Variants in FLRT1 observed in about 807,000 individuals in gnomAD.
The protein encoded by FLRT1 is fibronectin leucine rich transmembrane protein 1.
A neutral mutation model predicts 30.9 loss-of-function variants in FLRT1; 14 were observed. The observed-to-expected ratio is 0.45, with a 90% confidence interval of 0.30 to 0.71. The LOEUF (loss-of-function observed/expected upper bound fraction) is 0.71, where lower values mean the gene tolerates loss of function less well. FLRT1 is among the 30% of genes least tolerant of loss of function. The pLI is 0.08. For synonymous variants in FLRT1, 368 were observed against 430.4 expected (o/e 0.85, Z 1.80); for missense variants, 737 against 949.2 (o/e 0.78, Z 2.94).
intron 1 of FLRT1, among the ~76,000 whole-genome samples, chr11:64,051,922 C>T (rs899116228): frequency 6.6e-6 from 1 of 151,894 alleles, no homozygotes; most frequent in African/African-American, 2.4e-5. Flanking sequence ...GAGGTAGAGA[C>T]TGGATACTCC....
rs966098956 is a variant in FLRT1 at position 64,096,708 on chromosome 11, C to T, written c.-1037-6486C>T. ...CTGGGATTACAGGCATGAGCCACCG[C>T]ACCCTACCCTCTCCCCCTTTTGTGC... On this transcript the variant is annotated intron_variant, in intron 1 of 2. Transcript: ENST00000682287. The surrounding 1 kb of genome is among the most constrained non-coding windows in gnomAD (Gnocchi z 4.6). Among the ~76,000 whole-genome samples the T allele has an allele frequency of 1.6e-4, 24 of 152,212 alleles. No homozygotes were observed. Among genetic ancestry groups the T allele is most frequent in the African/African-American group, 5.3e-4 (22 of 41,458 alleles).
intron 1 of FLRT1, among the ~76,000 whole-genome samples, chr11:64,085,355 C>G (rs1030875122): frequency 6.6e-6 from 1 of 152,214 alleles, no homozygotes. Flanking sequence ...CACCCCAAAT[C>G]GAATTCGTGC....
intron 1 of FLRT1, among the ~76,000 whole-genome samples, chr11:64,055,941 G>A (rs374190945): frequency 2.0e-5 from 3 of 152,300 alleles, no homozygotes; most frequent in Admixed American, 1.3e-4. Context: ...GCCTGCAGCC[G>A]ACAGCCGTAT....
chr11:64,070,308 C>T (rs1352392050), intron 1 of FLRT1, among the ~76,000 whole-genome samples: 1 of 152,130 alleles, frequency 6.6e-6, no homozygotes, highest in Non-Finnish European at 1.5e-5. Flanking sequence ...TCGGAGCCTC[C>T]TCATGTTCCC....
rs1433022590 is a variant in FLRT1, at chr11:64,067,797, G to A, written c.-1038+31638G>A. Among the ~76,000 whole-genome samples the A allele has an allele frequency of 6.6e-6, 1 of 152,150 alleles. No homozygotes were observed. ...AGCTGTTTGTTTTCCCTGACTGAGG[G>A]GCGGCTGTGCCACCCCCACACTCCT... On this transcript the variant is annotated intron_variant, in intron 1 of 2. Transcript: ENST00000682287. This position sits in a 1 kb window ranked among gnomAD's most constrained non-coding sequence, Gnocchi z 4.6.
At chr11:64,093,178 C>T (rs1322068344) in intron 1 of FLRT1, among the ~76,000 whole-genome samples, 6 of 152,174 alleles carry the variant, frequency 3.9e-5, no homozygotes, top group Non-Finnish European at 5.9e-5. Flanking sequence ...AGTGAGGCGA[C>T]GTGTGAATAG....
chr11:64,038,451 A>G (rs1043810669), intron 1 of FLRT1, among the ~76,000 whole-genome samples: 5 of 152,186 alleles, frequency 3.3e-5, no homozygotes, highest in Admixed American at 2.0e-4. Context: ...TGAGAGGACT[A>G]GGGCTCCAGG....
intron 1 of FLRT1, among the ~76,000 whole-genome samples, chr11:64,062,652 C>T (rs1943926814): frequency 6.6e-6 from 1 of 152,228 alleles, no homozygotes; most frequent in Admixed American, 6.5e-5. Context: ...CCTCAGTCTC[C>T]AGCTCTGCAG....
At chr11:64,057,142 C>CGGGTG (rs1943801337) in intron 1 of FLRT1, among the ~76,000 whole-genome samples, 1 of 152,226 alleles carries the variant, frequency 6.6e-6, no homozygotes, top group Non-Finnish European at 1.5e-5. Flanking sequence ...TTGCTGGACC[C>CGGGTG]GGGTGCCCCT....
At chr11:64,110,386 G>T (rs1204729360) in intron 2 of FLRT1, among the ~76,000 whole-genome samples, 1 of 151,812 alleles carries the variant, frequency 6.6e-6, no homozygotes, top group African/African-American at 2.4e-5. Flanking sequence ...GGAGGTCGAG[G>T]CTGCAGTGAG....
At chr11:64,103,027 T>C (rs2622411) in intron 1 of FLRT1, among the ~76,000 whole-genome samples, 167 bp from the exon 2 acceptor site, 146,271 of 151,568 alleles carry the variant, frequency 0.97, 70,799 homozygotes, top group Middle Eastern at 1. Flanking sequence ...GCCGAGATTG[T>C]GCCACTGCAC....
chr11:64,094,721 C>T (rs953793064), intron 1 of FLRT1, among the ~76,000 whole-genome samples: 1 of 152,184 alleles, frequency 6.6e-6, no homozygotes, highest in African/African-American at 2.4e-5. Context: ...CCACAGAGGC[C>T]AGAGGCCTCT....
intron 1 of FLRT1, among the ~76,000 whole-genome samples, chr11:64,061,004 C>T (rs1943892134): frequency 6.6e-6 from 1 of 152,038 alleles, no homozygotes; most frequent in Admixed American, 6.5e-5. Flanking sequence ...CGACCTTCCC[C>T]GACCCAGGCA....
Position 64,118,072 on chromosome 11 carries a change from A to G in FLRT1, c.1805A>G (p.Glu602Gly), listed in dbSNP as rs1357467495. The G allele has an allele frequency of 6.2e-7, 1 of 1,612,628 alleles. No homozygotes were observed. The highest frequency in any genetic ancestry group is 8.5e-7 in the Non-Finnish European group (1 of 1,179,108). Residue 602 changes from glutamate (E) to glycine (G), a missense_variant, in exon 3 of 3, where the codon GAG becomes GGG. By Grantham distance (98) the Glu-to-Gly change is moderately conservative. Coordinates refer to ENST00000682287, the MANE Select transcript of FLRT1 (RefSeq NM_013280.5). ...RGSRKKDDYM[E>G]SGTKKDNSIL... ...AGCAGGAAAAAGGATGACTATATGG[A>G]GTCAGGGACCAAGAAGGATAACTCC...
chr11:64,046,889 C>T (rs114589845), intron 1 of FLRT1, among the ~76,000 whole-genome samples: 2,804 of 152,282 alleles, frequency 0.018, 102 homozygotes, highest in African/African-American at 0.064. Context: ...CAGATACTGC[C>T]GGACATTTTA....
chr11:64,078,974 C>T (rs1021663289), intron 1 of FLRT1, among the ~76,000 whole-genome samples: 1 of 152,164 alleles, frequency 6.6e-6, no homozygotes, highest in African/African-American at 2.4e-5. Flanking sequence ...GGTCTGTAGA[C>T]TCCGACAAGG....
At chr11:64,056,181 G>A (rs1050580851) in intron 1 of FLRT1, among the ~76,000 whole-genome samples, 1 of 152,138 alleles carries the variant, frequency 6.6e-6, no homozygotes, top group Non-Finnish European at 1.5e-5. Flanking sequence ...GGCTGTGCAG[G>A]CAAAAATGCC....
chr11:64,117,262 G>A lies in FLRT1; in HGVS notation c.995G>A (p.Cys332Tyr). The A allele has an allele frequency of 6.2e-7, 1 of 1,614,204 alleles. No homozygotes were observed. The highest frequency in any genetic ancestry group is 8.5e-7 in the Non-Finnish European group (1 of 1,180,028). The stretch of plus-strand genomic sequence containing the variant: ...CTGCTCAGGAACAACCCTTGGTTTT[G>A]TGGCTGCAACCTCATGTGGCTGCGG... ...QLLLRNNPWFCGCNLMWLRDW... is the reference protein window; with the variant it reads ...QLLLRNNPWFYGCNLMWLRDW... The change falls in exon 3 of 3, where the codon TGT becomes TAT. Residue 332 changes from cysteine to tyrosine, a missense_variant. Transcript: ENST00000682287.
In FLRT1 at chr11:64,064,152, T is replaced by C. The variant is rs1411608149; in HGVS notation, c.-1038+27993T>C. 6.6e-6 allele frequency among the ~76,000 whole-genome samples: 1 copy of C among 152,098 alleles called. No homozygotes were observed. Among genetic ancestry groups the C allele is most frequent in the Non-Finnish European group, 1.5e-5 (1 of 68,012 alleles). ...TCCCACTCTCCCTTTCAGCATCTTC[T>C]CTCTCTTGTCTTCTGAGGACAGATG... On this transcript the variant is annotated intron_variant, in intron 1 of 2. Coordinates refer to ENST00000682287, the MANE Select transcript of FLRT1 (RefSeq NM_013280.5). This position sits in a 1 kb window ranked among gnomAD's most constrained non-coding sequence, Gnocchi z 4.5.
Sources: allele counts gnomAD v4.1 joint callset (sites outside exome capture counted in the v4.1 genomes callset), GRCh38; gene constraint gnomAD v4.1.1; non-coding constraint Gnocchi (gnomAD v3.1); transcripts MANE v1.5; gene names NCBI Gene and HGNC (gene_info 2026-07-23, HGNC 2026-07-21).